The following FBXO41 variants were observed in gnomAD, a reference collection of about 807,000 sequenced individuals.
FBXO41 encodes F-box protein 41, also known as F-box only protein 41.
In FBXO41, 33 loss-of-function variants were observed where a neutral mutation model predicts 81.6. That is an observed-to-expected ratio of 0.40 (90% CI 0.31 to 0.54). FBXO41 has a LOEUF of 0.54. Ranked by LOEUF, FBXO41 falls within the 20% of genes least tolerant of loss-of-function variation. The pLI is 0.39. For missense variants in FBXO41, 1,107 were observed against 1,236.0 expected, an observed-to-expected ratio of 0.90 and a Z score of 1.56; for synonymous variants, 576 against 552.7, an observed-to-expected ratio of 1.04 and a Z score of -0.59.
Position 73,255,910 on chromosome 2 carries a change from C to T in FBXO41, c.*3072G>A, listed in dbSNP as rs958584529. The T allele has an allele frequency of 6.6e-6, 1 of 152,308 alleles. No homozygotes were observed. The highest frequency in any genetic ancestry group is 1.5e-5 in the Non-Finnish European group (1 of 68,142). 9.4% of individuals were successfully genotyped at this position (152,308 alleles called of 1,614,324 possible). A position where few individuals can be genotyped will look rare whatever the true frequency, so the allele number is the denominator to read the frequency against. Reference sequence around the variant, plus strand: ...AGCTGCCTTGATCCTTAGGTGGTCTCTCCTGGCTGGGGAAAGGCTGTGGTG... The same window carrying T: ...AGCTGCCTTGATCCTTAGGTGGTCTTTCCTGGCTGGGGAAAGGCTGTGGTG... On this transcript the variant is annotated 3_prime_UTR_variant, in exon 13 of 13. Coordinates refer to ENST00000520530, the MANE Select transcript of FBXO41 (RefSeq NM_001371389.2).
Position 73,256,261 on chromosome 2 carries a change from C to T in FBXO41, c.*2721G>A, listed in dbSNP as rs563349732. The T allele has an allele frequency of 3.9e-5, 6 of 152,222 alleles. No individual in the cohort carries two copies. Among genetic ancestry groups the T allele is most frequent in the Non-Finnish European group, 8.8e-5 (6 of 68,068 alleles). 9.4% of individuals were successfully genotyped at this position (152,222 alleles called of 1,614,324 possible). ...GTGGGTAAAGATGGATGAAGTGCTT[C>T]TAGGGATAGCCAGGCCCTCTGTCCC... On this transcript the variant is annotated 3_prime_UTR_variant, in exon 13 of 13. Transcript: ENST00000520530.
chr2:73,275,823 GTC>G (rs753519016), intron 1 of FBXO41, among the ~76,000 whole-genome samples: 5 of 152,042 alleles, frequency 3.3e-5, no homozygotes, highest in Non-Finnish European at 7.4e-5. Flanking sequence ...GTTTCGCTGT[GTC>G]TCTCAGGCTG....
chr2:73,268,838 GCTC>G lies in FBXO41; in HGVS notation c.790_792del (p.Glu264del). On this transcript the variant is annotated inframe_deletion, in exon 2 of 13. Coordinates refer to ENST00000520530, the MANE Select transcript of FBXO41 (RefSeq NM_001371389.2). Reference sequence around the variant, plus strand: ...GAGAGCTCAGACGCGCGCTCCTCCAGCTCCTCCTTCTCGCGCCCGAGCCTCGCA... The same window carrying G: ...GAGAGCTCAGACGCGCGCTCCTCCAGCTCCTTCTCGCGCCCGAGCCTCGCA... 9.5e-6 allele frequency: 15 copies of G among 1,576,720 alleles called. No individual in the cohort carries two copies. The highest frequency in any genetic ancestry group is 1.3e-5 in the Non-Finnish European group (15 of 1,162,476).
At chr2:73,277,746 C>T (rs1688737486) in intron 1 of FBXO41, among the ~76,000 whole-genome samples, 1 of 152,132 alleles carries the variant, frequency 6.6e-6, no homozygotes. Context: ...TGTTTCCTGT[C>T]ACATTCTCAC....
At position 73,260,262 on chromosome 2, in the gene FBXO41, G is replaced by T; in HGVS notation, c.2449+127C>A. 2 of 1,284,850 alleles carry T rather than the reference G, an allele frequency of 1.6e-6. No individual in the cohort carries two copies. The highest frequency in any genetic ancestry group is 2.1e-6 in the Non-Finnish European group (2 of 934,558). The allele number at this position is 1,284,850 out of a possible 1,614,324, so 79.6% of individuals were successfully genotyped here. A position where few individuals can be genotyped will look rare whatever the true frequency, so the allele number is the denominator to read the frequency against. ...GCTCTAGAACCAGTGCTCTTAACCT[G>T]TCCCCCTGCCTCTGCCCTTGGCTGG... On this transcript the variant is annotated intron_variant, in intron 11 of 12. Coordinates refer to ENST00000520530, the MANE Select transcript of FBXO41 (RefSeq NM_001371389.2). The surrounding 1 kb of genome is among the most constrained non-coding windows in gnomAD (Gnocchi z 5.0).
chr2:73,266,032 G>T lies in FBXO41; in HGVS notation c.1132-66C>A. 7.0e-7 allele frequency: 1 copy of T among 1,438,404 alleles called. No individual in the cohort carries two copies. The highest frequency in any genetic ancestry group is 9.6e-7 in the Non-Finnish European group (1 of 1,046,748). 89.1% of individuals were successfully genotyped at this position (1,438,404 alleles called of 1,614,324 possible). ...GGAGGCAAGAGGATGAGCAGGAATAGCAGGGGAAACAGGGCAAAAGATGGA... is the reference window on the plus strand; with the variant it reads ...GGAGGCAAGAGGATGAGCAGGAATATCAGGGGAAACAGGGCAAAAGATGGA... On this transcript the variant is annotated intron_variant, in intron 3 of 12. Transcript: ENST00000520530. The surrounding 1 kb of genome is among the most constrained non-coding windows in gnomAD (Gnocchi z 5.3).
At position 73,257,906 on chromosome 2, in the gene FBXO41, A is replaced by G. The variant is rs1687873712; in HGVS notation, c.*1076T>C. 1 of 152,184 alleles carries G rather than the reference A, an allele frequency of 6.6e-6. No homozygotes were observed. The highest frequency in any genetic ancestry group is 1.5e-5 in the Non-Finnish European group (1 of 68,066). The allele number at this position is 152,184 out of a possible 1,614,324, so 9.4% of individuals were successfully genotyped here. A position where few individuals can be genotyped will look rare whatever the true frequency, so the allele number is the denominator to read the frequency against. On this transcript the variant is annotated 3_prime_UTR_variant, in exon 13 of 13. Coordinates refer to ENST00000520530, the MANE Select transcript of FBXO41 (RefSeq NM_001371389.2). The surrounding 1 kb of genome is among the most constrained non-coding windows in gnomAD (Gnocchi z 4.6). ...GATGCTCTTCCTCTTCCTTGGCCCC[A>G]TGGGTCTGGCTCCCTGCCAAGGCCA...
intron 9 of FBXO41, among the ~76,000 whole-genome samples, chr2:73,261,455 C>A (rs1261999722): frequency 1.3e-5 from 2 of 152,136 alleles, no homozygotes; most frequent in African/African-American, 4.8e-5. Flanking sequence ...AGATAGGGAG[C>A]CCCTCATTCC....
At position 73,260,056 on chromosome 2, in the gene FBXO41, G is replaced by A. The variant is rs1403228120; in HGVS notation, c.2449+333C>T. Among the ~76,000 whole-genome samples the A allele has an allele frequency of 6.6e-6, 1 of 152,046 alleles. No individual in the cohort carries two copies. Among genetic ancestry groups the A allele is most frequent in the African/African-American group, 2.4e-5 (1 of 41,372 alleles). ...TGATCTGGAGTCCAGGGAGAGAGGA[G>A]TCTTCACCCTGAGAACTGTCCTTGG... On this transcript the variant is annotated intron_variant, in intron 11 of 12. Coordinates refer to ENST00000520530, the MANE Select transcript of FBXO41 (RefSeq NM_001371389.2). This position sits in a 1 kb window ranked among gnomAD's most constrained non-coding sequence, Gnocchi z 5.0.
At chr2:73,280,929 C>T (rs1688828935) in intron 1 of FBXO41, among the ~76,000 whole-genome samples, 1 of 152,178 alleles carries the variant, frequency 6.6e-6, no homozygotes, top group Non-Finnish European at 1.5e-5. Flanking sequence ...AAGCAATTTC[C>T]ACCACTTGTT....
chr2:73,279,397 A>G (rs1374289133), intron 1 of FBXO41, among the ~76,000 whole-genome samples: 2 of 152,202 alleles, frequency 1.3e-5, no homozygotes, highest in Non-Finnish European at 2.9e-5. Flanking sequence ...AAGGGTAAAA[A>G]GGAAAGTATT....
At chr2:73,283,885 T>C (rs931797254) in intron 1 of FBXO41, among the ~76,000 whole-genome samples, 3 of 152,112 alleles carry the variant, frequency 2.0e-5, no homozygotes, top group Non-Finnish European at 4.4e-5. Flanking sequence ...AGTGGGGTTC[T>C]GGAGCCCGCC....
chr2:73,276,605 G>GAGAGAGAGAGAGAGAGA (rs1647508694), intron 1 of FBXO41, among the ~76,000 whole-genome samples: 2 of 46,244 alleles, frequency 4.3e-5, no homozygotes, highest in African/African-American at 1.7e-4. Context: ...AGAGAGAGAG[G>GAGAGAGAGAGAGAGAGA]GAGAGAGGGA....
Position 73,269,279 on chromosome 2 carries a change from A to G in FBXO41, c.352T>C (p.Phe118Leu). 1.3e-6 allele frequency: 2 copies of G among 1,530,818 alleles called. No individual in the cohort carries two copies. Among genetic ancestry groups the G allele is most frequent in the Non-Finnish European group, 1.8e-6 (2 of 1,139,008 alleles). 94.8% of individuals were successfully genotyped at this position (1,530,818 alleles called of 1,614,324 possible). A position where few individuals can be genotyped will look rare whatever the true frequency, so the allele number is the denominator to read the frequency against. ...CTAGCGGGCACCAGGTCGCCGGGGA[A>G]GTGGGCGAGGGGAGCGTGGTGATGG... ...HHHHHAPLAH[F>L]PGDLVPASLP... The change falls in exon 2 of 13, where the codon TTC becomes CTC. Residue 118 changes from phenylalanine (F) to leucine (L), a missense_variant. Physicochemically the swap from Phe to Leu is conservative, Grantham distance 22. Coordinates refer to ENST00000520530, the MANE Select transcript of FBXO41 (RefSeq NM_001371389.2). This position sits in a 1 kb window ranked among gnomAD's most constrained non-coding sequence, Gnocchi z 7.0.
At chr2:73,277,356 G>T (rs187203621) in intron 1 of FBXO41, among the ~76,000 whole-genome samples, 5 of 152,214 alleles carry the variant, frequency 3.3e-5, no homozygotes, top group African/African-American at 1.2e-4. Flanking sequence ...AAGGCAGGGG[G>T]AGGTAGGACA....
rs1391823867 is a variant in FBXO41 at position 73,266,592 on chromosome 2, G to A, written c.996C>T (p.Leu332=). Residue 332 remains leucine (L), a synonymous_variant, in exon 3 of 13, where the codon CTC becomes CTT. Transcript: ENST00000520530. The surrounding 1 kb of genome is among the most constrained non-coding windows in gnomAD (Gnocchi z 5.3). Reference sequence around the variant, plus strand: ...GCTCGGCACGGTCAGCCCGCTCAAGGAGCTCCTCAATGAACTGCTGCAGCC... The same window carrying A: ...GCTCGGCACGGTCAGCCCGCTCAAGAAGCTCCTCAATGAACTGCTGCAGCC... ...KLRLQQFIEE[L]LERADRAERQ... The A allele has an allele frequency of 1.9e-6, 3 of 1,611,532 alleles. No homozygotes were observed. Among genetic ancestry groups the A allele is most frequent in the Non-Finnish European group, 2.5e-6 (3 of 1,179,178 alleles).
chr2:73,265,755 C>T, intron 4 of FBXO41, 115 bp from the exon 5 acceptor site: 1 of 1,425,138 alleles, frequency 7.0e-7, no homozygotes, highest in Non-Finnish European at 9.4e-7. Context: ...TTCCAAAAGC[C>T]CCCTCTGGGT....
chr2:73,264,323 T>G lies in FBXO41; in HGVS notation c.1761A>C (p.Ala587=). 3.1e-6 allele frequency: 5 copies of G among 1,613,572 alleles called. No individual in the cohort carries two copies. Among genetic ancestry groups the G allele is most frequent in the Admixed American group, 1.7e-5 (1 of 60,020 alleles). Residue 587 remains alanine, a synonymous_variant, in exon 6 of 13, where the codon GCA becomes GCC. Coordinates refer to ENST00000520530, the MANE Select transcript of FBXO41 (RefSeq NM_001371389.2). ...TCTCAAGCAGCACCCTTGTCCAGAC[T>G]GCGGGGTGGCGGGCCACGAAGCGCC... ...RDWRFVARHP[A]VWTRVLLENA...
chr2:73,269,538 G>A lies in FBXO41; in HGVS notation c.93C>T (p.Tyr31=). 3 of 1,371,306 alleles carry A rather than the reference G, an allele frequency of 2.2e-6. No homozygotes were observed. The highest frequency in any genetic ancestry group is 1.9e-4 in the Middle Eastern group (1 of 5,232). 84.9% of individuals were successfully genotyped at this position (1,371,306 alleles called of 1,614,324 possible). Residue 31 remains tyrosine (Y), a synonymous_variant, in exon 2 of 13, where the codon TAC becomes TAT. Coordinates refer to ENST00000520530, the MANE Select transcript of FBXO41 (RefSeq NM_001371389.2). The surrounding 1 kb of genome is among the most constrained non-coding windows in gnomAD (Gnocchi z 7.0). ...SLSSLRAHLE[Y]SHTYETLYIL... ...TGTAGAGCGTCTCGTAGGTGTGGCT[G>A]TACTCCAGGTGCGCGCGCAGCGACG...
Sources: allele counts gnomAD v4.1 joint callset (sites outside exome capture counted in the v4.1 genomes callset), GRCh38; gene constraint gnomAD v4.1.1; non-coding constraint Gnocchi (gnomAD v3.1); transcripts MANE v1.5; gene names NCBI Gene and HGNC (gene_info 2026-07-23, HGNC 2026-07-21).